Variants in GRIN2A observed in about 807,000 individuals in gnomAD.
GRIN2A encodes the protein glutamate receptor ionotropic, NMDA 2A.
Under a neutral mutation model 113.4 loss-of-function variants are expected in GRIN2A, and 22 were observed. That is an observed-to-expected ratio of 0.19 (90% confidence interval 0.14 to 0.28). The LOEUF (loss-of-function observed/expected upper bound fraction) is 0.28. Ranked by LOEUF, GRIN2A falls within the 10% of genes least tolerant of loss-of-function variation. The pLI, the probability that GRIN2A is intolerant of heterozygous loss-of-function variation, is 1.00. For missense variants in GRIN2A, 1,502 were observed against 1,887.0 expected (o/e 0.80, Z 3.78); for synonymous variants, 827 against 738.4 (o/e 1.12, Z -1.94).
At chr16:10,002,208 C>G (rs901412639) in intron 2 of GRIN2A, among the ~76,000 whole-genome samples, 1 of 152,198 alleles carries the variant, frequency 6.6e-6, no homozygotes, top group African/African-American at 2.4e-5. Flanking sequence ...GAGGAGGCAT[C>G]AGGTTCCTTA....
intron 2 of GRIN2A, among the ~76,000 whole-genome samples, chr16:10,103,338 C>T (rs549238987): frequency 2.6e-5 from 4 of 152,118 alleles, no homozygotes; most frequent in Admixed American, 6.5e-5. Flanking sequence ...CTTGCACAAG[C>T]TGGGATGCAA....
At chr16:9,777,892 T>C (rs1596393504) in intron 11 of GRIN2A, among the ~76,000 whole-genome samples, 1 of 152,138 alleles carries the variant, frequency 6.6e-6, no homozygotes, top group South Asian at 2.1e-4. Flanking sequence ...GGTGAAACCC[T>C]ATCTCTACTA....
intron 2 of GRIN2A, among the ~76,000 whole-genome samples, chr16:10,072,693 C>T (rs1041908092): frequency 2.0e-5 from 3 of 152,172 alleles, no homozygotes; most frequent in Non-Finnish European, 2.9e-5. Flanking sequence ...ATCAGAATCA[C>T]CTGGGAATCT....
chr16:9,850,091 T>A, intron 4 of GRIN2A, 130 bp from the exon 5 acceptor site: 1 of 773,936 alleles, frequency 1.3e-6, no homozygotes, highest in South Asian at 1.5e-5. Flanking sequence ...AACATATGCA[T>A]CTACTTCTGT....
rs938537925 is a variant in GRIN2A at position 10,180,695 on chromosome 16, A to T, written c.-18-266T>A. 5.2e-6 allele frequency: 3 copies of T among 579,146 alleles called. No homozygotes were observed. Among genetic ancestry groups the T allele is most frequent in the Admixed American group, 3.1e-5 (1 of 32,484 alleles). The allele number at this position is 579,146 out of a possible 1,614,324, so 35.9% of individuals were successfully genotyped here. ...GCTTCCTCATCCCCTGTCTCCAGGCACTTCCCCATCCCCATCTCTGTCCAT... is the reference window on the plus strand; with the variant it reads ...GCTTCCTCATCCCCTGTCTCCAGGCTCTTCCCCATCCCCATCTCTGTCCAT... On this transcript the variant is annotated intron_variant, in intron 1 of 12. Transcript: ENST00000330684. The surrounding 1 kb of genome is among the most constrained non-coding windows in gnomAD (Gnocchi z 7.0).
intron 2 of GRIN2A, among the ~76,000 whole-genome samples, chr16:10,033,086 T>C (rs1414182327): frequency 6.6e-6 from 1 of 152,174 alleles, no homozygotes; most frequent in Non-Finnish European, 1.5e-5. Flanking sequence ...TATACCTATA[T>C]TGGGGTGAAT....
intron 2 of GRIN2A, among the ~76,000 whole-genome samples, chr16:10,163,624 C>A (rs2142332729): frequency 6.6e-6 from 1 of 151,348 alleles, no homozygotes; most frequent in African/African-American, 2.4e-5. Context: ...CTCAGCCCCT[C>A]CCTTGGGAAC....
intron 2 of GRIN2A, among the ~76,000 whole-genome samples, chr16:10,024,482 T>G (rs2046783630): frequency 6.6e-6 from 1 of 152,232 alleles, no homozygotes; most frequent in Non-Finnish European, 1.5e-5. Context: ...CCTCCCAAAG[T>G]GCTGGAATTA....
At chr16:10,082,367 G>A (rs1287487190) in intron 2 of GRIN2A, among the ~76,000 whole-genome samples, 3 of 152,200 alleles carry the variant, frequency 2.0e-5, no homozygotes, top group Non-Finnish European at 4.4e-5. Context: ...GCCACAGTAG[G>A]CAAAATTCTA....
chr16:10,105,117 T>C (rs1394777048), intron 2 of GRIN2A, among the ~76,000 whole-genome samples: 1 of 150,386 alleles, frequency 6.6e-6, no homozygotes, highest in African/African-American at 2.5e-5. Context: ...TCAGAGTTCA[T>C]CCCGAGTCTT....
At chr16:9,847,402 A>T (rs1389173128) in intron 5 of GRIN2A, among the ~76,000 whole-genome samples, 2 of 151,970 alleles carry the variant, frequency 1.3e-5, no homozygotes, top group African/African-American at 4.8e-5. Flanking sequence ...TAAAAAAAAA[A>T]ATTAATTAAA....
rs1900458638 is a variant in GRIN2A at position 9,758,741 on chromosome 16, A to C, written c.*4408T>G. 4.7e-6 allele frequency: 1 copy of C among 214,864 alleles called. No homozygotes were observed. Among genetic ancestry groups the C allele is most frequent in the Non-Finnish European group, 9.4e-6 (1 of 106,560 alleles). The allele number at this position is 214,864 out of a possible 1,614,324, so 13.3% of individuals were successfully genotyped here. A position where few individuals can be genotyped will look rare whatever the true frequency, so the allele number is the denominator to read the frequency against. Reference sequence around the variant, plus strand: ...ATACAATTAGATATGAACACAGTACAATGTATAGGGATTGAATGGGAAACA... The same window carrying C: ...ATACAATTAGATATGAACACAGTACCATGTATAGGGATTGAATGGGAAACA... On this transcript the variant is annotated 3_prime_UTR_variant, in exon 13 of 13. Coordinates refer to ENST00000330684, the MANE Select transcript of GRIN2A (RefSeq NM_001134407.3).
chr16:10,151,145 T>C (rs1372482235), intron 2 of GRIN2A, among the ~76,000 whole-genome samples: 1 of 152,236 alleles, frequency 6.6e-6, no homozygotes, highest in Non-Finnish European at 1.5e-5. Context: ...GTCCGCCATC[T>C]TGATGAGTCT....
At chr16:9,965,310 G>A (rs2045532366) in intron 2 of GRIN2A, among the ~76,000 whole-genome samples, 1 of 152,166 alleles carries the variant, frequency 6.6e-6, no homozygotes, top group South Asian at 2.1e-4. Flanking sequence ...AATGGCTACA[G>A]CCTGGTGGTA....
intron 2 of GRIN2A, among the ~76,000 whole-genome samples, chr16:10,122,007 T>C (rs1229627622): frequency 6.6e-6 from 1 of 152,170 alleles, no homozygotes; most frequent in Non-Finnish European, 1.5e-5. Context: ...GAATACTCTT[T>C]TCACAAAGGC....
rs587780355 is a variant in GRIN2A, at chr16:9,763,925, A to G, written c.3619T>C (p.Tyr1207His). ...GSPHSETSERYRQNSTHCRSC... is the reference protein window; with the variant it reads ...GSPHSETSERHRQNSTHCRSC... Reference sequence around the variant, plus strand: ...CTGCAGTGCGTGGAGTTCTGCCGGTATCGCTCGCTGGTCTCACTGTGCGGG... The same window carrying G: ...CTGCAGTGCGTGGAGTTCTGCCGGTGTCGCTCGCTGGTCTCACTGTGCGGG... The change falls in exon 13 of 13, where the codon TAC becomes CAC. Residue 1207 changes from tyrosine (Y) to histidine (H), a missense_variant. By Grantham distance (83) the Tyr-to-His change is moderately conservative. Around this residue, in one of 7 missense-constraint regions of GRIN2A, gnomAD observed 832 missense variants for 789.7 expected, o/e 1.05. Transcript: ENST00000330684. 3.7e-6 allele frequency: 6 copies of G among 1,614,022 alleles called. No individual in the cohort carries two copies. The East Asian group carries it at 6.7e-5, about 18-fold the overall frequency.
chr16:9,772,483 C>G (rs1229491787), intron 11 of GRIN2A, among the ~76,000 whole-genome samples: 1 of 152,144 alleles, frequency 6.6e-6, no homozygotes. Context: ...GTGATCCTCC[C>G]ACCTCAGCCT....
chr16:10,024,651 C>G (rs1321708066), intron 2 of GRIN2A, among the ~76,000 whole-genome samples: 1 of 152,172 alleles, frequency 6.6e-6, no homozygotes, highest in Non-Finnish European at 1.5e-5. Context: ...TTTAGAGACT[C>G]TCATTTTGCA....
At chr16:10,110,809 T>A (rs1276836719) in intron 2 of GRIN2A, among the ~76,000 whole-genome samples, 1 of 152,192 alleles carries the variant, frequency 6.6e-6, no homozygotes, top group Non-Finnish European at 1.5e-5. Flanking sequence ...ATGTTGAAGG[T>A]GGCAGAACCA....
Sources: gnomAD v4.1 joint callset for allele counts (sites outside exome capture counted in the v4.1 genomes callset) on GRCh38, gnomAD v4.1.1 for gene constraint, gnomAD v4.1.1 regional missense constraint, Gnocchi (gnomAD v3.1) non-coding constraint, MANE v1.5 for transcripts, NCBI Gene and HGNC (gene_info 2026-07-23, HGNC 2026-07-21) for gene names.